Variants in ZNF518A observed in about 807,000 individuals in gnomAD.
ZNF518A encodes the protein zinc finger protein 518A, also known as zinc finger protein 518.
A neutral mutation model predicts 102.7 loss-of-function variants in ZNF518A; 47 were observed. The ratio of observed to expected loss-of-function variants is 0.46; its 90% confidence interval spans 0.36 to 0.58. The LOEUF is 0.58. Among genes scored for constraint, ZNF518A ranks in the 20% least tolerant of loss-of-function variants. The pLI is 0.00. For missense variants in ZNF518A, 1,793 were observed against 1,699.8 expected (o/e 1.05, Z -0.96); for synonymous variants, 652 against 594.6 (o/e 1.10, Z -1.40).
At chr10:96,131,810 G>A (rs2081352110) in intron 1 of ZNF518A, among the ~76,000 whole-genome samples, 1 of 152,116 alleles carries the variant, frequency 6.6e-6, no homozygotes, top group Non-Finnish European at 1.5e-5. Context: ...TCTGGTAATA[G>A]TATGCTGTAA....
At chr10:96,153,084 C>G (rs2082529155) in intron 3 of ZNF518A, among the ~76,000 whole-genome samples, 4 of 152,210 alleles carry the variant, frequency 2.6e-5, no homozygotes, top group African/African-American at 9.7e-5. Flanking sequence ...AATTCTCAGT[C>G]TGAGGTTAAA....
chr10:96,151,024 A>AT (rs1461330293), intron 3 of ZNF518A, among the ~76,000 whole-genome samples: 1 of 152,058 alleles, frequency 6.6e-6, no homozygotes, highest in Non-Finnish European at 1.5e-5. Context: ...AAGTGCTGGG[A>AT]TTACAGGTGT....
In ZNF518A at chr10:96,172,505, T is replaced by A. The variant is rs587731634; in HGVS notation, n.35+16458T>A. On this transcript the variant is annotated intron_variant and non_coding_transcript_variant, in intron 1 of 2. Coordinates refer to the ZNF518A transcript ENST00000442635. ...CAAAATTATTAATAAGTATAACAGTTTATTCTTGGGTTTGTAACATGTAAA... is the reference window on the plus strand; with the variant it reads ...CAAAATTATTAATAAGTATAACAGTATATTCTTGGGTTTGTAACATGTAAA... Among the ~76,000 whole-genome samples the A allele has an allele frequency of 1.2e-3, 183 of 152,160 alleles. 1 individual carries two copies. Among genetic ancestry groups the A allele is most frequent in the African/African-American group, 4.1e-3 (172 of 41,546 alleles).
intron 3 of ZNF518A, among the ~76,000 whole-genome samples, chr10:96,145,667 T>C (rs1309261511): frequency 2.6e-5 from 4 of 152,224 alleles, no homozygotes; most frequent in Non-Finnish European, 4.4e-5. Flanking sequence ...ATACCTGTAT[T>C]GTTTTGATCT....
chr10:96,194,104 C>G (rs1336886668), intron 1 of ZNF518A, among the ~76,000 whole-genome samples: 16 of 152,132 alleles, frequency 1.1e-4, no homozygotes, highest in Admixed American at 2.6e-4. Context: ...AAGAGGAATT[C>G]CTGTTTACCA....
At chr10:96,186,753 C>T (rs2083274212) in intron 1 of ZNF518A, among the ~76,000 whole-genome samples, 4 of 152,170 alleles carry the variant, frequency 2.6e-5, no homozygotes, top group Admixed American at 2.6e-4. Context: ...ATAACTTTCC[C>T]AAGTTCACAC....
At chr10:96,174,209 AAC>A (rs1312527780) in intron 1 of ZNF518A, among the ~76,000 whole-genome samples, 5 of 149,606 alleles carry the variant, frequency 3.3e-5, no homozygotes, top group Non-Finnish European at 6.0e-5. Context: ...TACCACAATA[AAC>A]AAGAAGAAAG....
chr10:96,199,587 G>C (rs2133943976), intron 1 of ZNF518A: 1 of 455,484 alleles, frequency 2.2e-6, no homozygotes. Flanking sequence ...TGAAAGAGAG[G>C]AGGGGATAGC....
In ZNF518A at chr10:96,175,865, G is replaced by GCCTGCCTCCCTC. The variant is rs1554891385; in HGVS notation, n.35+19821_35+19822insGCCTCCCTCCCT. Among the ~76,000 whole-genome samples the GCCTGCCTCCCTC allele has an allele frequency of 6.4e-4, 32 of 50,096 alleles. 2 individuals carry two copies. In the South Asian group the frequency reaches 0.036, roughly 57 times the overall value. The allele number at this position is 50,096 out of a possible 152,430, so 32.9% of individuals were successfully genotyped here. A position where few individuals can be genotyped will look rare whatever the true frequency, so the allele number is the denominator to read the frequency against. On this transcript the variant is annotated intron_variant and non_coding_transcript_variant, in intron 1 of 2. Transcript: ENST00000442635. ...GCTGAATTACAAGTATTCCCTCCCT[G>GCCTGCCTCCCTC]CCTCCCTCCCTCCCTTCCTTCCTTC...
At position 96,150,021 on chromosome 10, in the gene ZNF518A, G is replaced by A. The variant is rs2082353107; in HGVS notation, c.-301-5305G>A. Among the ~76,000 whole-genome samples, 3 of 151,940 alleles carry A rather than the reference G, an allele frequency of 2.0e-5. No individual in the cohort carries two copies. The South Asian group carries it at 6.2e-4, about 32-fold the overall frequency. On this transcript the variant is annotated intron_variant, in intron 3 of 5. Coordinates refer to ENST00000316045, the MANE Select transcript of ZNF518A (RefSeq NM_001330736.2). ...TCGTGTTTAGAGTTGTGAATAAAAT[G>A]TCTGATTAATATTGGTGTCTGGGCC...
chr10:96,185,883 C>T (rs11594595), intron 1 of ZNF518A, among the ~76,000 whole-genome samples: 36,489 of 152,156 alleles, frequency 0.24, 5,645 homozygotes, highest in Middle Eastern at 0.36. Flanking sequence ...CCACCCAGTT[C>T]GAGCTTCCAG....
chr10:96,156,276 T>G lies in ZNF518A; in HGVS notation c.-47T>G. The stretch of plus-strand genomic sequence containing the variant: ...TTTCCTGTTTAAATTACAGATAACT[T>G]CAAGAGTTTTCAGAAAAAAAGAAAT... On this transcript the variant is annotated 5_prime_UTR_variant, in exon 6 of 6. Transcript: ENST00000316045. 1 of 1,519,186 alleles carries G rather than the reference T, an allele frequency of 6.6e-7. No homozygotes were observed. Among genetic ancestry groups the G allele is most frequent in the Non-Finnish European group, 8.8e-7 (1 of 1,140,360 alleles). The allele number at this position is 1,519,186 out of a possible 1,614,324, so 94.1% of individuals were successfully genotyped here.
In ZNF518A at chr10:96,160,457, T is replaced by C; in HGVS notation, c.4135T>C (p.Leu1379=). Residue 1379 remains leucine, a synonymous_variant, in exon 6 of 6, where the codon TTG becomes CTG. Coordinates refer to ENST00000316045, the MANE Select transcript of ZNF518A (RefSeq NM_001330736.2). The stretch of plus-strand genomic sequence containing the variant: ...TAATGGACATGTACTTAAGGTTTCA[T>C]TGTCAAAAAGAACTATAAATGCTTT... ...KFNGHVLKVS[L]SKRTINALLK... 6.2e-7 allele frequency: 1 copy of C among 1,613,378 alleles called. No individual in the cohort carries two copies.
chr10:96,201,138 T>C, intron 1 of ZNF518A: 1 of 1,282,880 alleles, frequency 7.8e-7, no homozygotes, highest in Admixed American at 1.7e-5. Flanking sequence ...AACACTGTAC[T>C]AGGTGCTGCC....
chr10:96,204,926 A>ACC, downstream of ZNF518A: 1 of 362,584 alleles, frequency 2.8e-6, no homozygotes. Context: ...GGTGGAAGCC[A>ACC]GAAGATGAGA....
At position 96,159,847 on chromosome 10, in the gene ZNF518A, A is replaced by G. The variant is rs781934710; in HGVS notation, c.3525A>G (p.Pro1175=). ...CCTCATTGCAAAAAGACAACGTACC[A>G]TCTAATCAGATTATAGGAGGAGAGC... The part of the protein sequence containing the change: ...SASSLQKDNV[P]SNQIIGGEQK... The change falls in exon 6 of 6, where the codon CCA becomes CCG. Residue 1175 remains proline, a synonymous_variant. Transcript: ENST00000316045. 7.9e-5 allele frequency: 127 copies of G among 1,613,494 alleles called. No individual in the cohort carries two copies. Among genetic ancestry groups the G allele is most frequent in the Middle Eastern group, 1.6e-4 (1 of 6,084 alleles).
rs1210385137 is a variant in ZNF518A, at chr10:96,142,595, G to C, written c.-302+8947G>C. 4.6e-5 allele frequency among the ~76,000 whole-genome samples: 7 copies of C among 151,562 alleles called. No homozygotes were observed. The East Asian group carries it at 1.2e-3, about 25-fold the overall frequency. ...AACTAGAGTTTTTAGTTTTTTTTTG[G>C]TGTTTAAGCAACTTGAATATAGTTA... On this transcript the variant is annotated intron_variant, in intron 3 of 5. Coordinates refer to ENST00000316045, the MANE Select transcript of ZNF518A (RefSeq NM_001330736.2).
chr10:96,199,361 G>T (rs2083564887), intron 1 of ZNF518A: 7 of 216,268 alleles, frequency 3.2e-5, no homozygotes, highest in Middle Eastern at 5.0e-4. Flanking sequence ...GGTATTTTTT[G>T]TTTGTTTGTT....
At chr10:96,167,916 A>G (rs2083151755), downstream of ZNF518A, among the ~76,000 whole-genome samples, 1 of 152,256 alleles carries the variant, frequency 6.6e-6, no homozygotes, top group Non-Finnish European at 1.5e-5. Context: ...TTATTACAGG[A>G]GGTTGTAAAA....
Sources: gnomAD v4.1 joint callset for allele counts (sites outside exome capture counted in the v4.1 genomes callset) on GRCh38, gnomAD v4.1.1 for gene constraint, MANE v1.5 for transcripts, NCBI Gene and HGNC (gene_info 2026-07-23, HGNC 2026-07-21) for gene names.